Variants in POU2F2 observed in about 807,000 individuals in gnomAD.
POU2F2 encodes POU class 2 homeobox 2.
Under a neutral mutation model 63.5 loss-of-function variants are expected in POU2F2, and 14 were observed. That is an observed-to-expected ratio of 0.22 (90% CI 0.15 to 0.34). The LOEUF (loss-of-function observed/expected upper bound fraction) is 0.34. Ranked by LOEUF, POU2F2 falls within the 10% of genes least tolerant of loss-of-function variation. The probability of loss-of-function intolerance (pLI) is 1.00; values close to 1 mark genes in which losing one functional copy is unlikely to be tolerated. For missense variants in POU2F2, 607 were observed against 815.2 expected (o/e 0.74, Z 3.11); for synonymous variants, 306 against 348.6 (o/e 0.88, Z 1.36).
Position 42,099,539 on chromosome 19 carries a change from C to T in POU2F2, c.555G>A (p.Gly185=). ...GALLTSQPRA[G]LPTQAVTRPT... ...TGGACAGTCTCACCTGTGTGGGAAG[C>T]CCGGCCCGGGGCTGGGAGGTCAGAA... Residue 185 remains glycine, a synonymous_variant, in exon 7 of 15, where the codon GGG becomes GGA. Transcript: ENST00000692977. 1 of 1,613,094 alleles carries T rather than the reference C, an allele frequency of 6.2e-7. No individual in the cohort carries two copies. The highest frequency in any genetic ancestry group is 1.1e-5 in the South Asian group (1 of 91,064).
chr19:42,091,629 C>T (rs368809179), intron 14 of POU2F2, 38 bp from the exon 15 acceptor site: 62 of 1,540,834 alleles, frequency 4.0e-5, no homozygotes, highest in African/African-American at 3.8e-4. Flanking sequence ...AAGGGCATGC[C>T]GGGCCAGGGG....
chr19:42,122,062 A>G (rs985900784), intron 4 of POU2F2, 64 bp downstream of exon 4: 2 of 1,491,614 alleles, frequency 1.3e-6, no homozygotes, highest in Non-Finnish European at 1.9e-6. Flanking sequence ...GGACTGAGGC[A>G]GGCCTCCTGA....
At chr19:42,163,193 C>A (rs1408563880) in intron 1 of POU2F2, among the ~76,000 whole-genome samples, 1 of 152,076 alleles carries the variant, frequency 6.6e-6, no homozygotes, top group African/African-American at 2.4e-5. Flanking sequence ...AACAGAGAAC[C>A]AGGAATGGCC....
chr19:42,148,954 C>T (rs934888993), intron 2 of POU2F2, among the ~76,000 whole-genome samples: 2 of 151,930 alleles, frequency 1.3e-5, no homozygotes, highest in Non-Finnish European at 2.9e-5. Context: ...CCACCCAGAC[C>T]GAGAGGAAAA....
chr19:42,106,616 TAAAATA>T (rs976239376), intron 5 of POU2F2, among the ~76,000 whole-genome samples: 1 of 151,900 alleles, frequency 6.6e-6, no homozygotes, highest in Non-Finnish European at 1.5e-5. Context: ...TCCCTGAATC[TAAAATA>T]AAAACTGGCT....
chr19:42,165,868 A>T (rs1309700734), intron 1 of POU2F2, among the ~76,000 whole-genome samples: 1 of 152,206 alleles, frequency 6.6e-6, no homozygotes, highest in Non-Finnish European at 1.5e-5. Flanking sequence ...TGGGTAGGTA[A>T]GGGAGAAGGT....
chr19:42,126,918 A>T (rs1479187816), intron 1 of POU2F2, among the ~76,000 whole-genome samples: 1 of 151,898 alleles, frequency 6.6e-6, no homozygotes, highest in African/African-American at 2.4e-5. Flanking sequence ...TATTTATTTT[A>T]TTTAATTTAT....
intron 2 of POU2F2, among the ~76,000 whole-genome samples, chr19:42,160,148 G>A (rs1410565359): frequency 6.6e-6 from 1 of 152,056 alleles, no homozygotes; most frequent in South Asian, 2.1e-4. Context: ...GGTTTGGCCC[G>A]AAAGCCACAG....
intron 1 of POU2F2, among the ~76,000 whole-genome samples, chr19:42,123,404 C>G (rs1023990966): frequency 2.6e-5 from 4 of 152,132 alleles, no homozygotes; most frequent in African/African-American, 9.7e-5. Flanking sequence ...CACATAAACC[C>G]ACGGAGACAA....
Position 42,106,890 on chromosome 19 carries a change from GTGGTGCA to G in POU2F2, c.370-7076_370-7070del, listed in dbSNP as rs1454220292. ...GGAGAAGGAAAATTAGCCAGGCATG[GTGGTGCA>G]TGCCTGTGGTCCCAGCTACTCAGGA... On this transcript the variant is annotated intron_variant, in intron 5 of 14. Coordinates refer to ENST00000692977, the MANE Select transcript of POU2F2 (RefSeq NM_001394376.1). 3.8e-4 allele frequency among the ~76,000 whole-genome samples: 58 copies of G among 152,012 alleles called. 1 individual carries two copies. Among genetic ancestry groups the G allele is most frequent in the Admixed American group, 3.8e-3 (58 of 15,264 alleles).
In POU2F2 at chr19:42,092,857, G is replaced by T. The variant is rs1221193093; in HGVS notation, c.1265-587C>A. Among the ~76,000 whole-genome samples the T allele has an allele frequency of 6.6e-6, 1 of 151,564 alleles. No homozygotes were observed. The highest frequency in any genetic ancestry group is 1.5e-5 in the Non-Finnish European group (1 of 67,906). ...CAGTTTAGAAAGAGTTTAGTACAGT[G>T]CCAGGCAAGCACTTACTACTTTATA... On this transcript the variant is annotated intron_variant, in intron 12 of 14. Coordinates refer to ENST00000692977, the MANE Select transcript of POU2F2 (RefSeq NM_001394376.1). This position sits in a 1 kb window ranked among gnomAD's most constrained non-coding sequence, Gnocchi z 5.0.
chr19:42,182,242 A>AAGAT (rs369153833), intron 1 of POU2F2, among the ~76,000 whole-genome samples: 1 of 125,880 alleles, frequency 7.9e-6, no homozygotes, highest in Non-Finnish European at 1.6e-5. Context: ...TCTGTCTCAA[A>AAGAT]AGAGAGAGAG....
chr19:42,105,972 T>C (rs1353889599), intron 5 of POU2F2, among the ~76,000 whole-genome samples: 6 of 151,660 alleles, frequency 4.0e-5, no homozygotes, highest in Non-Finnish European at 8.8e-5. Context: ...TAAAAACACA[T>C]AACATATGAT....
chr19:42,110,863 C>T (rs1390468609), intron 5 of POU2F2: 16 of 377,604 alleles, frequency 4.2e-5, no homozygotes, highest in Non-Finnish European at 1.1e-5. Flanking sequence ...AGTCATTTCT[C>T]TCCCAGGGCC....
intron 1 of POU2F2, among the ~76,000 whole-genome samples, chr19:42,189,523 C>T (rs1490071238): frequency 6.6e-6 from 1 of 152,216 alleles, no homozygotes; most frequent in Non-Finnish European, 1.5e-5. Context: ...GTCTCTCCCT[C>T]TGTTGTGAGT....
chr19:42,132,599 G>C (rs1048276718), upstream of POU2F2: 3 of 457,976 alleles, frequency 6.6e-6, no homozygotes, highest in Non-Finnish European at 1.1e-5. Flanking sequence ...TCATGTGTGT[G>C]TGCTGGGGGG....
At chr19:42,192,397 G>A (rs888650103) in intron 1 of POU2F2, among the ~76,000 whole-genome samples, 3 of 152,124 alleles carry the variant, frequency 2.0e-5, no homozygotes, top group Non-Finnish European at 4.4e-5. Context: ...TGTCCCCAGT[G>A]ATCATGTTCC....
At chr19:42,122,449 C>G (rs953846104) in intron 2 of POU2F2, 62 bp downstream of exon 2, 6 of 1,609,056 alleles carry the variant, frequency 3.7e-6, no homozygotes, top group Non-Finnish European at 4.3e-6. Context: ...CAGCTCTCTT[C>G]CCATCTGTCC....
chr19:42,180,494 C>T (rs555329503), upstream of POU2F2, among the ~76,000 whole-genome samples: 16 of 152,248 alleles, frequency 1.1e-4, no homozygotes, highest in African/African-American at 3.9e-4. Context: ...TCCATCTGTA[C>T]GTGTACAATA....
Sources: gnomAD v4.1 joint callset for allele counts (sites outside exome capture counted in the v4.1 genomes callset) on GRCh38, gnomAD v4.1.1 for gene constraint, Gnocchi (gnomAD v3.1) non-coding constraint, MANE v1.5 for transcripts, NCBI Gene and HGNC (gene_info 2026-07-23, HGNC 2026-07-21) for gene names.